YPEL1: variants seen among roughly 807,000 people sequenced by gnomAD.
YPEL1 encodes protein yippee-like 1.
YPEL1 carries 7 observed loss-of-function variants against 17.3 expected under a neutral mutation model. The observed-to-expected ratio is 0.40, with a 90% CI of 0.23 to 0.76. The LOEUF (loss-of-function observed/expected upper bound fraction) is 0.76, where lower values mean the gene tolerates loss of function less well. Among genes scored for constraint, YPEL1 ranks in the 30% least tolerant of loss-of-function variants. The pLI is 0.35. For missense variants in YPEL1, 91 were observed against 155.5 expected (o/e 0.59, Z 2.21); for synonymous variants, 59 against 59.6 (o/e 0.99, Z 0.05).
At chr22:21,714,567 T>A (rs1234306721) in intron 1 of YPEL1, among the ~76,000 whole-genome samples, 2 of 152,110 alleles carry the variant, frequency 1.3e-5, no homozygotes, top group East Asian at 3.9e-4. Context: ...TGGATGTGTA[T>A]CGGCTCCCAG....
In YPEL1 at chr22:21,715,706, T is replaced by C. The variant is rs1463207701; in HGVS notation, c.-164-4798A>G. Among the ~76,000 whole-genome samples the C allele has an allele frequency of 1.1e-3, 119 of 110,480 alleles. 17 individuals carry two copies. Among genetic ancestry groups the C allele is most frequent in the South Asian group, 3.2e-3 (11 of 3,482 alleles). 72.5% of individuals were successfully genotyped at this position (110,480 alleles called of 152,430 possible). A position where few individuals can be genotyped will look rare whatever the true frequency, so the allele number is the denominator to read the frequency against. On this transcript the variant is annotated intron_variant, in intron 1 of 4. Coordinates refer to ENST00000339468, the MANE Select transcript of YPEL1 (RefSeq NM_013313.5). ...AAGTGATTCTCCTGCCTCAGCCTCCTGAGTAGCTGGGACTACTGGCACGTG... is the reference window on the plus strand; with the variant it reads ...AAGTGATTCTCCTGCCTCAGCCTCCCGAGTAGCTGGGACTACTGGCACGTG...
intron 1 of YPEL1, among the ~76,000 whole-genome samples, chr22:21,721,002 T>G (rs1490394719): frequency 8.3e-5 from 12 of 144,962 alleles, no homozygotes; most frequent in South Asian, 2.2e-4. Context: ...GTAGAGATGG[T>G]GTTTCACCAT....
intron 2 of YPEL1, among the ~76,000 whole-genome samples, chr22:21,706,846 A>AAAAT (rs940147249): frequency 9.2e-5 from 14 of 152,074 alleles, no homozygotes; most frequent in East Asian, 1.9e-4. Flanking sequence ...GCCCTGTCTA[A>AAAAT]AAATAAATAA....
chr22:21,711,026 A>AT (rs770316486), intron 1 of YPEL1, 118 bp from the exon 2 acceptor site: 18,084 of 259,038 alleles, frequency 0.07, 2 homozygotes, highest in South Asian at 0.14. Flanking sequence ...CAGGACTAGA[A>AT]TTTTTTTTTT....
rs77766362 is a variant in YPEL1, at chr22:21,719,466, A to G, written c.-164-8558T>C. On this transcript the variant is annotated intron_variant, in intron 1 of 4. Transcript: ENST00000339468. ...ACTAAGAATATGAAGTGAAGCAGCT[A>G]AGAGAGAGACAGGAAACTTATTCAC... Among the ~76,000 whole-genome samples, 998 of 152,324 alleles carry G rather than the reference A, an allele frequency of 6.6e-3. 10 individuals carry two copies. The highest frequency in any genetic ancestry group is 0.023 in the African/African-American group (963 of 41,568).
chr22:21,712,082 G>A lies in YPEL1; in HGVS notation c.-164-1174C>T, dbSNP rs374082777. 3.9e-5 allele frequency among the ~76,000 whole-genome samples: 6 copies of A among 152,096 alleles called. No individual in the cohort carries two copies. In the East Asian group the frequency reaches 9.7e-4, roughly 25 times the overall value. On this transcript the variant is annotated intron_variant, in intron 1 of 4. Transcript: ENST00000339468. ...CCAGCTACTTGGGATAGCTGAGGTGGGAGGATGGCTTGAGCCTGGGAAGTT... is the reference window on the plus strand; with the variant it reads ...CCAGCTACTTGGGATAGCTGAGGTGAGAGGATGGCTTGAGCCTGGGAAGTT...
At position 21,712,770 on chromosome 22, in the gene YPEL1, A is replaced by G. The variant is rs114357579; in HGVS notation, c.-164-1862T>C. On this transcript the variant is annotated intron_variant, in intron 1 of 4. Coordinates refer to ENST00000339468, the MANE Select transcript of YPEL1 (RefSeq NM_013313.5). Reference sequence around the variant, plus strand: ...AAATGGATAAAGGACCTATGTATCTATATTCTCTATATATTCTAGTTGTTA... The same window carrying G: ...AAATGGATAAAGGACCTATGTATCTGTATTCTCTATATATTCTAGTTGTTA... Among the ~76,000 whole-genome samples, 777 of 151,748 alleles carry G rather than the reference A, an allele frequency of 5.1e-3. 4 individuals carry two copies. Among genetic ancestry groups the G allele is most frequent in the African/African-American group, 0.018 (742 of 41,432 alleles).
chr22:21,716,950 G>T (rs1247053689), intron 1 of YPEL1, among the ~76,000 whole-genome samples: 1 of 152,214 alleles, frequency 6.6e-6, no homozygotes, highest in Non-Finnish European at 1.5e-5. Flanking sequence ...TGACCTTGCA[G>T]AAAAACAGGT....
rs944136463 is a variant in YPEL1, at chr22:21,718,326, G to A, written c.-164-7418C>T. 3.9e-5 allele frequency among the ~76,000 whole-genome samples: 6 copies of A among 151,910 alleles called. No homozygotes were observed. The East Asian group carries it at 5.8e-4, about 15-fold the overall frequency. On this transcript the variant is annotated intron_variant, in intron 1 of 4. Coordinates refer to ENST00000339468, the MANE Select transcript of YPEL1 (RefSeq NM_013313.5). ...AAAATACAAAAAAAATTAGTGGGGC[G>A]TGGTGGTGGGCACCTGTAGTCCCAG...
intron 1 of YPEL1, among the ~76,000 whole-genome samples, chr22:21,724,234 G>A (rs758912734): frequency 2.0e-5 from 3 of 152,004 alleles, no homozygotes; most frequent in Non-Finnish European, 2.9e-5. Context: ...TTAGTATTTT[G>A]TAATTATGAA....
At position 21,701,114 on chromosome 22, in the gene YPEL1, G is replaced by A. The variant is rs920224600; in HGVS notation, c.*15C>T. On this transcript the variant is annotated 3_prime_UTR_variant, in exon 5 of 5. Transcript: ENST00000339468. ...TCACAAAACAGCATTCAAAGGAGAA[G>A]GGAAAGTTCGCACATTACTCCCAGC... 5 of 1,607,418 alleles carry A rather than the reference G, an allele frequency of 3.1e-6. No individual in the cohort carries two copies. Among genetic ancestry groups the A allele is most frequent in the South Asian group, 1.1e-5 (1 of 90,738 alleles).
rs1471327242 is a variant in YPEL1 at position 21,704,657 on chromosome 22, C to T, written c.118-775G>A. ...GGGCAACAAGAGTGAAACCCCGTCTCGAAAAAAAAAAAAAAAAAAAAGTCA... is the reference window on the plus strand; with the variant it reads ...GGGCAACAAGAGTGAAACCCCGTCTTGAAAAAAAAAAAAAAAAAAAAGTCA... On this transcript the variant is annotated intron_variant, in intron 2 of 4. Transcript: ENST00000339468. Among the ~76,000 whole-genome samples, 8 of 104,876 alleles carry T rather than the reference C, an allele frequency of 7.6e-5. No individual in the cohort carries two copies. The East Asian group carries it at 1.2e-3, about 16-fold the overall frequency. The allele number at this position is 104,876 out of a possible 152,430, so 68.8% of individuals were successfully genotyped here.
At chr22:21,718,192 A>G (rs1014065274) in intron 1 of YPEL1, among the ~76,000 whole-genome samples, 7 of 151,646 alleles carry the variant, frequency 4.6e-5, no homozygotes, top group Admixed American at 2.0e-4. Context: ...GTCTGGGTGC[A>G]GTGGCTCATG....
Position 21,700,140 on chromosome 22 carries a change from C to G in YPEL1, c.*989G>C, listed in dbSNP as rs963556850. 4.6e-5 allele frequency: 7 copies of G among 152,372 alleles called. No individual in the cohort carries two copies. The highest frequency in any genetic ancestry group is 1.3e-4 in the Admixed American group (2 of 15,280). The allele number at this position is 152,372 out of a possible 1,614,324, so 9.4% of individuals were successfully genotyped here. A position where few individuals can be genotyped will look rare whatever the true frequency, so the allele number is the denominator to read the frequency against. ...GCCTCTGGAAGATTCTTAAATAACA[C>G]TGTACTTTAAGGGTTCATTTGCAAG... On this transcript the variant is annotated 3_prime_UTR_variant, in exon 5 of 5. Coordinates refer to ENST00000339468, the MANE Select transcript of YPEL1 (RefSeq NM_013313.5).
chr22:21,717,137 TG>T (rs921225062), intron 1 of YPEL1, among the ~76,000 whole-genome samples: 4 of 30,088 alleles, frequency 1.3e-4, no homozygotes, highest in Admixed American at 3.8e-4. Flanking sequence ...AGGCCGGGGC[TG>T]GGGGGGCGGG....
At chr22:21,702,367 G>A (rs75049994) in intron 4 of YPEL1, among the ~76,000 whole-genome samples, 26 of 152,306 alleles carry the variant, frequency 1.7e-4, no homozygotes, top group African/African-American at 4.6e-4. Context: ...TGTGGAGCCC[G>A]TTTCCATGGT....
intron 1 of YPEL1, among the ~76,000 whole-genome samples, chr22:21,721,270 GCC>G (rs2068279783): frequency 1.3e-5 from 2 of 151,446 alleles, no homozygotes; most frequent in African/African-American, 4.8e-5. Flanking sequence ...GTGCCACCAC[GCC>G]CGGCTAATTT....
intron 1 of YPEL1, among the ~76,000 whole-genome samples, chr22:21,724,421 C>A (rs1208022542): frequency 2.6e-5 from 4 of 152,068 alleles, no homozygotes; most frequent in African/African-American, 9.7e-5. Flanking sequence ...CCTGCAATCC[C>A]AGCTACTCAG....
intron 4 of YPEL1, 127 bp from the exon 5 acceptor site, chr22:21,701,345 C>G: frequency 1.5e-6 from 1 of 650,288 alleles, no homozygotes; most frequent in East Asian, 2.8e-5. Flanking sequence ...CTGAGCGGTG[C>G]ACTCATCCGG....
Sources: allele counts gnomAD v4.1 joint callset (sites outside exome capture counted in the v4.1 genomes callset), GRCh38; gene constraint gnomAD v4.1.1; transcripts MANE v1.5; gene names NCBI Gene and HGNC (gene_info 2026-07-23, HGNC 2026-07-21).